Variants in CSMD1 observed in about 807,000 individuals in gnomAD.
CSMD1 encodes the protein CUB and sushi domain-containing protein 1.
A neutral mutation model predicts 417.5 loss-of-function variants in CSMD1; 213 were observed. The observed-to-expected ratio is 0.51, with a 90% CI of 0.46 to 0.57. The LOEUF (loss-of-function observed/expected upper bound fraction) is 0.57, where lower values mean the gene tolerates loss of function less well. Among genes scored for constraint, CSMD1 ranks in the 20% least tolerant of loss-of-function variants. CSMD1 has a pLI of 0.00. For synonymous variants in CSMD1, 2,862 were observed against 1,736.8 expected, an observed-to-expected ratio of 1.65 and a Z score of -16.11; for missense variants, 6,923 against 4,529.7, an observed-to-expected ratio of 1.53 and a Z score of -15.17.
chr8:3,325,367 A>G (rs188864329), intron 23 of CSMD1, among the ~76,000 whole-genome samples: 11 of 152,374 alleles, frequency 7.2e-5, no homozygotes, highest in Admixed American at 5.9e-4. Flanking sequence ...ATTTGATGAT[A>G]CCATCTGTTG....
chr8:2,969,028 T>A (rs1035418386), intron 57 of CSMD1, among the ~76,000 whole-genome samples: 1 of 152,142 alleles, frequency 6.6e-6, no homozygotes, highest in African/African-American at 2.4e-5. Flanking sequence ...TGCTGTTAAA[T>A]TGAGTTAAAT....
chr8:3,980,627 T>C (rs1047047370), intron 5 of CSMD1, among the ~76,000 whole-genome samples: 7 of 152,196 alleles, frequency 4.6e-5, no homozygotes, highest in Non-Finnish European at 1.0e-4. Flanking sequence ...TGCCTTACTT[T>C]TTGCTTATGG....
chr8:3,170,363 A>G (rs1820502878), intron 37 of CSMD1, among the ~76,000 whole-genome samples: 1 of 152,072 alleles, frequency 6.6e-6, no homozygotes, highest in African/African-American at 2.4e-5. Flanking sequence ...GCCTACCACC[A>G]TACCTGGCTA....
At chr8:3,216,922 A>G (rs13262871) in intron 29 of CSMD1, among the ~76,000 whole-genome samples, 93,730 of 152,150 alleles carry the variant, frequency 0.62, 29,007 homozygotes, top group African/African-American at 0.64. Context: ...TGCATGCAAT[A>G]CAATGACATC....
At chr8:4,429,564 G>A (rs1300664064) in intron 2 of CSMD1, among the ~76,000 whole-genome samples, 1 of 152,126 alleles carries the variant, frequency 6.6e-6, no homozygotes, top group South Asian at 2.1e-4. Context: ...ATTACAGAAG[G>A]ATTTGGTCCA....
chr8:4,378,617 G>A (rs117387038), intron 3 of CSMD1, among the ~76,000 whole-genome samples: 1 of 152,296 alleles, frequency 6.6e-6, no homozygotes, highest in East Asian at 1.9e-4. Flanking sequence ...GCTAAAACAA[G>A]AGTTTGAAGA....
chr8:4,794,621 G>A (rs1429393895), intron 1 of CSMD1, among the ~76,000 whole-genome samples: 4 of 152,058 alleles, frequency 2.6e-5, no homozygotes, highest in South Asian at 4.1e-4. Flanking sequence ...AGGCTGATGT[G>A]CTCCATAGTC....
intron 1 of CSMD1, among the ~76,000 whole-genome samples, chr8:4,911,999 C>A (rs571640891): frequency 6.6e-6 from 1 of 151,308 alleles, no homozygotes; most frequent in Non-Finnish European, 1.5e-5. Flanking sequence ...AGTACGTACT[C>A]TTTTGGTCTT....
intron 1 of CSMD1, among the ~76,000 whole-genome samples, chr8:4,730,468 C>G (rs1224993109): frequency 6.6e-6 from 1 of 152,118 alleles, no homozygotes; most frequent in African/African-American, 2.4e-5. Context: ...TGGCCAGGAG[C>G]AGTGGCTCAC....
chr8:3,263,548 G>A (rs1801230281), intron 26 of CSMD1, among the ~76,000 whole-genome samples: 1 of 151,896 alleles, frequency 6.6e-6, no homozygotes, highest in South Asian at 2.1e-4. Flanking sequence ...GTTCATTTTT[G>A]GTAATACATT....
intron 3 of CSMD1, among the ~76,000 whole-genome samples, chr8:4,296,813 G>A (rs1297458840): frequency 1.4e-5 from 2 of 139,286 alleles, no homozygotes; most frequent in Non-Finnish European, 3.0e-5. Flanking sequence ...TGTGATTATT[G>A]TATTCATCTG....
In CSMD1 at chr8:3,889,452, CATATATATAT is replaced by C. The variant is rs1171842639; in HGVS notation, c.818+108441_818+108450del. Among the ~76,000 whole-genome samples the C allele has an allele frequency of 8.3e-3, 375 of 45,398 alleles. 4 individuals are homozygous for C. Among genetic ancestry groups the C allele is most frequent in the Admixed American group, 9.8e-3 (32 of 3,252 alleles). The allele number at this position is 45,398 out of a possible 152,430, so 29.8% of individuals were successfully genotyped here. A position where few individuals can be genotyped will look rare whatever the true frequency, so the allele number is the denominator to read the frequency against. On this transcript the variant is annotated intron_variant, in intron 5 of 69. Coordinates refer to ENST00000635120, the MANE Select transcript of CSMD1 (RefSeq NM_033225.6). Reference sequence around the variant, plus strand: ...TTAGTTGATATGCTTCTGATCTTTCCATATATATATATATATATATATATATATATATATA... The same window carrying C: ...TTAGTTGATATGCTTCTGATCTTTCCATATATATATATATATATATATATA...
intron 1 of CSMD1, among the ~76,000 whole-genome samples, chr8:4,688,441 TC>T (rs942511759): frequency 1.3e-5 from 2 of 152,078 alleles, no homozygotes; most frequent in Non-Finnish European, 2.9e-5. Context: ...GTGAGCCATC[TC>T]CCCGGGTCCC....
chr8:3,090,560 T>A (rs1368782390), intron 48 of CSMD1, among the ~76,000 whole-genome samples: 3 of 152,150 alleles, frequency 2.0e-5, no homozygotes, highest in Non-Finnish European at 4.4e-5. Flanking sequence ...GCTAAAACCT[T>A]ATTCTTACAA....
intron 5 of CSMD1, among the ~76,000 whole-genome samples, chr8:3,861,779 G>A (rs994246639): frequency 4.6e-5 from 7 of 152,192 alleles, no homozygotes; most frequent in Admixed American, 3.3e-4. Context: ...CTGGCCCACT[G>A]AGTATCCTGT....
intron 5 of CSMD1, among the ~76,000 whole-genome samples, chr8:3,827,732 G>C (rs1764594819): frequency 6.6e-6 from 1 of 152,128 alleles, no homozygotes; most frequent in African/African-American, 2.4e-5. Context: ...CCACCTCATT[G>C]TACTTCTTCA....
chr8:3,052,421 C>T (rs1049637235), intron 50 of CSMD1, 41 bp downstream of exon 50: 29 of 1,516,726 alleles, frequency 1.9e-5, no homozygotes, highest in Non-Finnish European at 2.5e-5. Context: ...TCAGTTCCCA[C>T]CTAAACCCAC....
intron 1 of CSMD1, among the ~76,000 whole-genome samples, chr8:4,768,528 G>A (rs528033306): frequency 6.6e-6 from 1 of 152,314 alleles, no homozygotes; most frequent in East Asian, 1.9e-4. Context: ...AAACTCTGTG[G>A]TAATCATTTG....
At chr8:4,647,443 T>A (rs2617039) in intron 1 of CSMD1, among the ~76,000 whole-genome samples, 102 of 114,024 alleles carry the variant, frequency 8.9e-4, no homozygotes, top group Non-Finnish European at 1.5e-3. Context: ...TACGTAGGTA[T>A]GCGTGTGCCA....
Sources: allele counts gnomAD v4.1 joint callset (sites outside exome capture counted in the v4.1 genomes callset), GRCh38; gene constraint gnomAD v4.1.1; transcripts MANE v1.5; gene names NCBI Gene and HGNC (gene_info 2026-07-23, HGNC 2026-07-21).